Variants in SYNDIG1 observed in about 807,000 individuals in gnomAD.
SYNDIG1 encodes the protein synapse differentiation inducing 1.
In SYNDIG1, 9 loss-of-function variants were observed where a neutral mutation model predicts 19.4. The observed-to-expected ratio is 0.46, with a 90% CI of 0.28 to 0.81. The LOEUF (loss-of-function observed/expected upper bound fraction) is 0.81, where lower values mean the gene tolerates loss of function less well. Ranked by LOEUF, SYNDIG1 falls within the 30% of genes least tolerant of loss-of-function variation. The pLI, the probability that SYNDIG1 is intolerant of heterozygous loss-of-function variation, is 0.12. For synonymous variants in SYNDIG1, 141 were observed against 145.9 expected, an observed-to-expected ratio of 0.97 and a Z score of 0.24; for missense variants, 311 against 343.3, an observed-to-expected ratio of 0.91 and a Z score of 0.74.
intron 3 of SYNDIG1, among the ~76,000 whole-genome samples, chr20:24,634,833 G>A (rs750848164): frequency 1.4e-4 from 22 of 152,222 alleles, no homozygotes; most frequent in Non-Finnish European, 2.8e-4. Flanking sequence ...GTAGAAAGGA[G>A]TCCTGGAGTA....
intron 1 of SYNDIG1, among the ~76,000 whole-genome samples, chr20:24,499,244 C>T (rs1173711618): frequency 2.0e-5 from 3 of 152,136 alleles, no homozygotes; most frequent in Admixed American, 1.3e-4. Flanking sequence ...AGGCTGGTCT[C>T]GAACTCCTAA....
chr20:24,529,681 G>A (rs566548774), intron 1 of SYNDIG1, among the ~76,000 whole-genome samples: 10 of 152,336 alleles, frequency 6.6e-5, no homozygotes, highest in African/African-American at 2.2e-4. Context: ...GGTGTTAGAT[G>A]TATTTGTTCT....
chr20:24,665,233 T>C (rs2147418498), intron 3 of SYNDIG1, 113 bp from the exon 4 acceptor site: 1 of 1,322,840 alleles, frequency 7.6e-7, no homozygotes, highest in Non-Finnish European at 1.0e-6. Flanking sequence ...CCCCTCAGCC[T>C]TCTCTGCATC....
At chr20:24,577,477 G>A (rs551401019) in intron 2 of SYNDIG1, among the ~76,000 whole-genome samples, 1 of 152,352 alleles carries the variant, frequency 6.6e-6, no homozygotes, top group East Asian at 1.9e-4. Flanking sequence ...TCAGACACGG[G>A]CCTCACCCAC....
intron 1 of SYNDIG1, among the ~76,000 whole-genome samples, chr20:24,519,831 G>T (rs982796637): frequency 6.6e-6 from 1 of 150,836 alleles, no homozygotes; most frequent in African/African-American, 2.4e-5. Flanking sequence ...ACGCACGCAC[G>T]CGCACATGCA....
intron 1 of SYNDIG1, among the ~76,000 whole-genome samples, chr20:24,525,286 C>CTTT (rs11471122): frequency 2.6e-3 from 272 of 106,464 alleles, no homozygotes; most frequent in Middle Eastern, 4.7e-3. Context: ...TCTTCTTCTT[C>CTTT]TTTTTTTTTT....
intron 1 of SYNDIG1, among the ~76,000 whole-genome samples, chr20:24,486,887 G>T (rs1027663821): frequency 6.6e-6 from 1 of 152,026 alleles, no homozygotes; most frequent in African/African-American, 2.4e-5. Flanking sequence ...TCGATCTCCT[G>T]ACCTCGTGAT....
chr20:24,613,241 AG>A (rs1283284717), intron 3 of SYNDIG1, among the ~76,000 whole-genome samples: 1 of 152,148 alleles, frequency 6.6e-6, no homozygotes, highest in African/African-American at 2.4e-5. Context: ...TCCCTGTCCC[AG>A]GGCCTCTGAG....
chr20:24,635,161 C>T (rs1176349389), intron 3 of SYNDIG1, among the ~76,000 whole-genome samples: 17 of 152,160 alleles, frequency 1.1e-4, no homozygotes, highest in Admixed American at 1.1e-3. Context: ...TCACTTGTCT[C>T]CTGCTGGGCC....
intron 1 of SYNDIG1, among the ~76,000 whole-genome samples, chr20:24,494,472 CAG>C (rs1205182248): frequency 1.3e-5 from 2 of 152,166 alleles, no homozygotes; most frequent in Non-Finnish European, 2.9e-5. Context: ...ACTGAAGTCA[CAG>C]AGAGTGGCGT....
intron 1 of SYNDIG1, among the ~76,000 whole-genome samples, chr20:24,524,553 G>A (rs1451680782): frequency 1.3e-5 from 2 of 152,034 alleles, no homozygotes; most frequent in African/African-American, 2.4e-5. Flanking sequence ...GGCTGAGGCA[G>A]GAGAACGGCG....
intron 1 of SYNDIG1, among the ~76,000 whole-genome samples, chr20:24,506,229 G>A (rs2056588365): frequency 6.6e-6 from 1 of 152,234 alleles, no homozygotes; most frequent in Non-Finnish European, 1.5e-5. Context: ...TGTCTGTCCA[G>A]CCATCCATAT....
intron 1 of SYNDIG1, among the ~76,000 whole-genome samples, chr20:24,515,029 G>C (rs2056831993): frequency 6.6e-6 from 1 of 152,076 alleles, no homozygotes; most frequent in Non-Finnish European, 1.5e-5. Flanking sequence ...ATGACTACTG[G>C]GTACATAACG....
intron 2 of SYNDIG1, among the ~76,000 whole-genome samples, chr20:24,553,423 C>G (rs2146812650): frequency 6.6e-6 from 1 of 152,310 alleles, no homozygotes; most frequent in Non-Finnish European, 1.5e-5. Context: ...AGGTTTTCTT[C>G]TAGGGTTTTT....
chr20:24,473,229 A>G (rs1400815554), intron 1 of SYNDIG1, among the ~76,000 whole-genome samples: 1 of 152,204 alleles, frequency 6.6e-6, no homozygotes, highest in Non-Finnish European at 1.5e-5. Context: ...AGCCTCTTGT[A>G]TCAGTGGAAA....
At chr20:24,597,664 G>C (rs902213760) in intron 3 of SYNDIG1, among the ~76,000 whole-genome samples, 4 of 152,156 alleles carry the variant, frequency 2.6e-5, no homozygotes, top group African/African-American at 9.7e-5. Flanking sequence ...CCTGCAGCAA[G>C]GTTAGAATTC....
intron 1 of SYNDIG1, among the ~76,000 whole-genome samples, chr20:24,473,144 T>A (rs1455959123): frequency 6.6e-6 from 1 of 152,102 alleles, no homozygotes; most frequent in Non-Finnish European, 1.5e-5. Flanking sequence ...TGGGTAAAGG[T>A]GACAAGGACT....
intron 1 of SYNDIG1, among the ~76,000 whole-genome samples, chr20:24,536,444 G>A (rs1007640015): frequency 6.6e-6 from 1 of 152,170 alleles, no homozygotes; most frequent in African/African-American, 2.4e-5. Flanking sequence ...AGGAGACCCG[G>A]CTGCCTGGAT....
intron 2 of SYNDIG1, among the ~76,000 whole-genome samples, chr20:24,564,757 G>T (rs188640761): frequency 9.1e-5 from 13 of 142,254 alleles, no homozygotes; most frequent in Non-Finnish European, 1.7e-4. Flanking sequence ...CCCCCACTGT[G>T]CAAAGTGTGC....
Sources: gnomAD v4.1 joint callset for allele counts (sites outside exome capture counted in the v4.1 genomes callset) on GRCh38, gnomAD v4.1.1 for gene constraint, MANE v1.5 for transcripts, NCBI Gene and HGNC (gene_info 2026-07-23, HGNC 2026-07-21) for gene names.